ST3GAL2: variants seen among roughly 807,000 people sequenced by gnomAD.
The protein encoded by ST3GAL2 is CMP-N-acetylneuraminate-beta-galactosamide-alpha-2,3-sialyltransferase 2.
Under a neutral mutation model 37.5 loss-of-function variants are expected in ST3GAL2, and 16 were observed. The ratio of observed to expected loss-of-function variants is 0.43; its 90% CI spans 0.29 to 0.65. The LOEUF (loss-of-function observed/expected upper bound fraction) is 0.65, where lower values mean the gene tolerates loss of function less well. Among genes scored for constraint, ST3GAL2 ranks in the 30% least tolerant of loss-of-function variants. ST3GAL2 has a pLI of 0.17. For missense variants in ST3GAL2, 383 were observed against 487.8 expected (o/e 0.79, Z 2.02); for synonymous variants, 238 against 202.9 (o/e 1.17, Z -1.47).
rs188643733 is a variant in ST3GAL2, at chr16:70,415,379, G to A, written c.-1003-15846C>T. On this transcript the variant is annotated intron_variant, in intron 1 of 6. Coordinates refer to ENST00000342907, the MANE Select transcript of ST3GAL2 (RefSeq NM_006927.4). The stretch of plus-strand genomic sequence containing the variant: ...CAAACTTACTAGATTACAGCCCTCC[G>A]GGCGGCACGGGGAAGGTCACAAGAA... 5.1e-4 allele frequency among the ~76,000 whole-genome samples: 78 copies of A among 151,840 alleles called. 1 individual carries two copies. Among genetic ancestry groups the A allele is most frequent in the East Asian group, 2.5e-3 (13 of 5,178 alleles).
chr16:70,424,308 T>C (rs531131151), intron 1 of ST3GAL2, among the ~76,000 whole-genome samples: 2 of 147,796 alleles, frequency 1.4e-5, no homozygotes, highest in South Asian at 2.2e-4. Flanking sequence ...TAAGTAGCTT[T>C]ATAAGGTTCT....
rs1025981000 is a variant in ST3GAL2, at chr16:70,386,187, G to GT, written c.713+2179dup. 2.5e-3 allele frequency among the ~76,000 whole-genome samples: 357 copies of GT among 143,128 alleles called. 2 individuals are homozygous for GT. The highest frequency in any genetic ancestry group is 6.0e-3 in the African/African-American group (237 of 39,202). 93.9% of individuals were successfully genotyped at this position (143,128 alleles called of 152,430 possible). The stretch of plus-strand genomic sequence containing the variant: ...AGACGTGCGCCACCACACCCAGCTA[G>GT]TTTTTTTTTTTTCTTCCTGAGACGG... On this transcript the variant is annotated intron_variant, in intron 4 of 6. Transcript: ENST00000342907.
At chr16:70,437,049 G>A (rs2047830156) in intron 1 of ST3GAL2, among the ~76,000 whole-genome samples, 1 of 152,102 alleles carries the variant, frequency 6.6e-6, no homozygotes, top group African/African-American at 2.4e-5. Flanking sequence ...TTACCCTGAG[G>A]CTTGGCCGGA....
chr16:70,411,894 T>C (rs1597569468), intron 1 of ST3GAL2, among the ~76,000 whole-genome samples: 1 of 150,308 alleles, frequency 6.7e-6, no homozygotes, highest in Non-Finnish European at 1.5e-5. Flanking sequence ...CTCAGGAGGG[T>C]GAGGTGGGAG....
chr16:70,381,409 G>A lies in ST3GAL2; in HGVS notation c.*280C>T, dbSNP rs2047403064. On this transcript the variant is annotated 3_prime_UTR_variant, in exon 7 of 7. Transcript: ENST00000342907. ...AAGCATGAGGGAGTGGGGATTGAGC[G>A]GCCGCTGGCCCGCCCCCGAAGGCCA... The A allele has an allele frequency of 4.0e-5, 17 of 425,650 alleles. 1 individual carries two copies. The South Asian group carries it at 4.7e-4, about 12-fold the overall frequency. The allele number at this position is 425,650 out of a possible 1,614,324, so 26.4% of individuals were successfully genotyped here. A position where few individuals can be genotyped will look rare whatever the true frequency, so the allele number is the denominator to read the frequency against.
chr16:70,434,686 A>G (rs891796842), intron 1 of ST3GAL2, among the ~76,000 whole-genome samples: 1 of 152,132 alleles, frequency 6.6e-6, no homozygotes, highest in Non-Finnish European at 1.5e-5. Context: ...ATTCACTAAC[A>G]CCTGAGAGCA....
intron 4 of ST3GAL2, among the ~76,000 whole-genome samples, chr16:70,387,554 C>CA (rs978602435): frequency 5.0e-4 from 73 of 146,728 alleles, no homozygotes; most frequent in Admixed American, 1.8e-3. Context: ...GACTCCATCT[C>CA]AAAAAAAAAT....
At chr16:70,408,221 G>A (rs1328029132) in intron 1 of ST3GAL2, among the ~76,000 whole-genome samples, 1 of 152,130 alleles carries the variant, frequency 6.6e-6, no homozygotes, top group Non-Finnish European at 1.5e-5. Flanking sequence ...CAGGTCTGAT[G>A]ACTTCAAGCC....
chr16:70,382,692 C>A, intron 6 of ST3GAL2, 113 bp downstream of exon 6: 1 of 1,512,026 alleles, frequency 6.6e-7, no homozygotes, highest in Non-Finnish European at 9.0e-7. Flanking sequence ...AAACCAAGGC[C>A]ACATGGATTC....
At chr16:70,438,242 A>G (rs1567680487) in intron 1 of ST3GAL2, among the ~76,000 whole-genome samples, 4 of 152,172 alleles carry the variant, frequency 2.6e-5, no homozygotes. Context: ...CCAGAGCTGT[A>G]GCAGGGGGTG....
intron 1 of ST3GAL2, among the ~76,000 whole-genome samples, chr16:70,429,122 C>G (rs1359765621): frequency 6.6e-6 from 1 of 152,164 alleles, no homozygotes; most frequent in Non-Finnish European, 1.5e-5. Context: ...CTGAGTTGTC[C>G]AGGGAGATGC....
chr16:70,396,688 G>C (rs895337639), intron 2 of ST3GAL2, among the ~76,000 whole-genome samples: 3 of 152,194 alleles, frequency 2.0e-5, no homozygotes, highest in Admixed American at 6.5e-5. Context: ...AGGCTGGAAG[G>C]CAGGTTCTGT....
At chr16:70,386,732 ACCTCC>A (rs1039628829) in intron 4 of ST3GAL2, among the ~76,000 whole-genome samples, 4 of 151,084 alleles carry the variant, frequency 2.6e-5, no homozygotes, top group Non-Finnish European at 5.9e-5. Flanking sequence ...TGCAACCTCC[ACCTCC>A]TGAGCTCAAG....
intron 1 of ST3GAL2, among the ~76,000 whole-genome samples, chr16:70,405,224 T>C (rs1220134836): frequency 2.0e-5 from 3 of 151,932 alleles, no homozygotes; most frequent in Non-Finnish European, 4.4e-5. Flanking sequence ...ATGGATGAAC[T>C]TGAAAACCCT....
In ST3GAL2 at chr16:70,382,871, C is replaced by T. The variant is rs772340520; in HGVS notation, c.813G>A (p.Glu271=). ...FFKYIHDRWT[E]HHGRYPSTGM... ...CCGTGGAAGGGTACCGCCCGTGATG[C>T]TCTGTCCACCTGTCGTGGATATACT... is the stretch of plus-strand genomic sequence containing the variant. The change falls in exon 6 of 7, where the codon GAG becomes GAA. Residue 271 remains glutamate, a synonymous_variant. Transcript: ENST00000342907. 118 of 1,614,026 alleles carry T rather than the reference C, an allele frequency of 7.3e-5. No individual in the cohort carries two copies. The highest frequency in any genetic ancestry group is 9.8e-5 in the Non-Finnish European group (116 of 1,180,012).
At chr16:70,423,534 T>G (rs1028084742) in intron 1 of ST3GAL2, among the ~76,000 whole-genome samples, 5 of 151,896 alleles carry the variant, frequency 3.3e-5, no homozygotes, top group Non-Finnish European at 5.9e-5. Flanking sequence ...AAAAAGTCAG[T>G]ACTCCATACT....
chr16:70,410,812 T>C (rs1452542960), intron 1 of ST3GAL2, among the ~76,000 whole-genome samples: 4 of 149,858 alleles, frequency 2.7e-5, no homozygotes, highest in African/African-American at 9.8e-5. Context: ...GATCCTGTTT[T>C]TTTTTTTTTT....
intron 1 of ST3GAL2, among the ~76,000 whole-genome samples, chr16:70,401,994 CAAAAAAAAAAA>C (rs749422742): frequency 5.0e-5 from 3 of 60,200 alleles, no homozygotes; most frequent in Admixed American, 2.3e-4. Flanking sequence ...AACTCTGCCT[CAAAAAAAAAAA>C]AAAAAAAAAA....
At chr16:70,432,952 C>G (rs1479065461) in intron 1 of ST3GAL2, among the ~76,000 whole-genome samples, 1 of 152,232 alleles carries the variant, frequency 6.6e-6, no homozygotes, top group Non-Finnish European at 1.5e-5. Context: ...ACATAGAGAG[C>G]CTCTGGGGCT....
Sources: allele counts gnomAD v4.1 joint callset (sites outside exome capture counted in the v4.1 genomes callset), GRCh38; gene constraint gnomAD v4.1.1; transcripts MANE v1.5; gene names NCBI Gene and HGNC (gene_info 2026-07-23, HGNC 2026-07-21).